KIAA0825: variants seen among roughly 807,000 people sequenced by gnomAD.
KIAA0825 encodes the protein KIAA0825.
KIAA0825 carries 119 observed loss-of-function variants against 147.6 expected under a neutral mutation model. The observed-to-expected ratio is 0.81, with a 90% CI of 0.69 to 0.94. The LOEUF is 0.94. Ranked by LOEUF, KIAA0825 falls within the 40% of genes least tolerant of loss-of-function variation. KIAA0825 has a pLI of 0.00. For missense variants in KIAA0825, 1,381 were observed against 1,472.7 expected (o/e 0.94, Z 1.02); for synonymous variants, 470 against 518.1 (o/e 0.91, Z 1.26).
chr5:94,449,313 G>T (rs1484706778), intron 13 of KIAA0825, among the ~76,000 whole-genome samples: 4 of 152,114 alleles, frequency 2.6e-5, no homozygotes, highest in Admixed American at 6.6e-5. Flanking sequence ...ACAGGTTTCT[G>T]AATGAGAGAG....
chr5:94,617,864 A>G (rs1273508261), intron 1 of KIAA0825: 2 of 152,240 alleles, frequency 1.3e-5, no homozygotes, highest in Non-Finnish European at 2.9e-5. Flanking sequence ...GAACGCAAGC[A>G]TTCCTTTCTG....
At chr5:94,323,815 G>C (rs1780434349) in intron 20 of KIAA0825, among the ~76,000 whole-genome samples, 1 of 151,852 alleles carries the variant, frequency 6.6e-6, no homozygotes, top group African/African-American at 2.4e-5. Flanking sequence ...AATGTACCAA[G>C]AATTTATACC....
At chr5:94,344,016 T>A (rs1306535964) in intron 20 of KIAA0825, among the ~76,000 whole-genome samples, 1 of 152,208 alleles carries the variant, frequency 6.6e-6, no homozygotes, top group East Asian at 1.9e-4. Context: ...GGCGGAAATG[T>A]AAACTAGTAA....
intron 20 of KIAA0825, among the ~76,000 whole-genome samples, chr5:94,231,736 ATTAT>A (rs1562325662): frequency 6.6e-6 from 1 of 152,174 alleles, no homozygotes; most frequent in Non-Finnish European, 1.5e-5. Context: ...TTATCATGAC[ATTAT>A]TTAGACAAAA....
intron 5 of KIAA0825, among the ~76,000 whole-genome samples, chr5:94,512,663 G>T (rs1483068608): frequency 2.0e-5 from 3 of 151,212 alleles, no homozygotes; most frequent in Non-Finnish European, 4.4e-5. Flanking sequence ...GGAGGCTGAG[G>T]TGGGCGGATC....
chr5:94,222,556 G>C (rs1474419281), intron 20 of KIAA0825, among the ~76,000 whole-genome samples: 1 of 152,158 alleles, frequency 6.6e-6, no homozygotes, highest in Admixed American at 6.5e-5. Flanking sequence ...TAGAAAAAGA[G>C]CAAGGATTTA....
chr5:94,411,162 G>T (rs1203249732), intron 15 of KIAA0825, among the ~76,000 whole-genome samples: 1 of 152,030 alleles, frequency 6.6e-6, no homozygotes, highest in Non-Finnish European at 1.5e-5. Flanking sequence ...AAACTGTGAT[G>T]GGTTAAAGAT....
intron 20 of KIAA0825, among the ~76,000 whole-genome samples, chr5:94,247,134 G>A (rs1035555453): frequency 6.6e-6 from 1 of 152,104 alleles, no homozygotes; most frequent in Non-Finnish European, 1.5e-5. Context: ...CCATTCACGT[G>A]CCATAGCAGC....
At chr5:94,537,223 C>A in intron 2 of KIAA0825, 96 bp from the exon 3 acceptor site, 6 of 823,126 alleles carry the variant, frequency 7.3e-6, no homozygotes, top group Middle Eastern at 2.4e-4. Flanking sequence ...TGATACTAAA[C>A]CAAAAATAGT....
In KIAA0825 at chr5:94,496,400, A is replaced by G. The variant is rs376152971; in HGVS notation, c.971-11470T>C. 4.3e-4 allele frequency among the ~76,000 whole-genome samples: 65 copies of G among 152,286 alleles called. 1 individual carries two copies. The South Asian group carries it at 0.013, about 32-fold the overall frequency. ...GGCTGCAAAGCCTAAAATATTTACT[A>G]TTTATCCTTTAAGGAAAAAGTTTGT... is the stretch of plus-strand genomic sequence containing the variant. On this transcript the variant is annotated intron_variant, in intron 5 of 20. Transcript: ENST00000682413.
intron 5 of KIAA0825, among the ~76,000 whole-genome samples, chr5:94,498,684 T>C (rs1764668087): frequency 6.6e-6 from 1 of 152,260 alleles, no homozygotes; most frequent in Non-Finnish European, 1.5e-5. Flanking sequence ...TCCTGGCTAA[T>C]GGCTTCATTA....
At chr5:94,156,350 T>C (rs1282977820) in intron 20 of KIAA0825, among the ~76,000 whole-genome samples, 3 of 152,216 alleles carry the variant, frequency 2.0e-5, no homozygotes, top group Non-Finnish European at 4.4e-5. Flanking sequence ...GTGCTAGATA[T>C]TACATAAAAG....
intron 1 of KIAA0825, chr5:94,594,363 T>C (rs747209691): frequency 3.6e-5 from 27 of 750,314 alleles, no homozygotes; most frequent in Non-Finnish European, 6.0e-5. Context: ...ACAGCAGATT[T>C]ATAAAATGTT....
intron 15 of KIAA0825, chr5:94,414,709 C>G (rs1285834474): frequency 2.0e-5 from 3 of 152,048 alleles, no homozygotes; most frequent in African/African-American, 4.8e-5. Flanking sequence ...GGACAGGGTC[C>G]CCAACCCCTA....
At chr5:94,295,208 A>G (rs925222611) in intron 20 of KIAA0825, among the ~76,000 whole-genome samples, 15 of 151,746 alleles carry the variant, frequency 9.9e-5, no homozygotes, top group African/African-American at 3.6e-4. Context: ...TGCTTGATCA[A>G]TTCGGCTACT....
At chr5:94,301,737 A>G (rs1778415694) in intron 20 of KIAA0825, among the ~76,000 whole-genome samples, 1 of 152,200 alleles carries the variant, frequency 6.6e-6, no homozygotes, top group Non-Finnish European at 1.5e-5. Context: ...AATATATGCA[A>G]AAATGACAAG....
At chr5:94,528,299 TTGTTCAGAGTTTACTA>T (rs1326712665) in intron 3 of KIAA0825, among the ~76,000 whole-genome samples, 2 of 152,196 alleles carry the variant, frequency 1.3e-5, no homozygotes, top group Non-Finnish European at 2.9e-5. Flanking sequence ...AACCCACCTT[TTGTTCAGAGTTTACTA>T]TGAGCAACAC....
In KIAA0825 at chr5:94,473,456, A is replaced by G. The variant is rs1217699850; in HGVS notation, c.1291T>C (p.Cys431Arg). 12 of 1,551,774 alleles carry G rather than the reference A, an allele frequency of 7.7e-6. No individual in the cohort carries two copies. The highest frequency in any genetic ancestry group is 9.6e-6 in the Non-Finnish European group (11 of 1,147,034). The change falls in exon 8 of 21, where the codon TGC becomes CGC. Residue 431 changes from cysteine (C) to arginine (R), a missense_variant. By Grantham distance (180) the Cys-to-Arg change is radical (BLOSUM62 -3). Transcript: ENST00000682413. The part of the protein sequence containing the change: ...FKEVSLPMAH[C>R]VVTAIEGFST... ...AAACCTTCAATTGCAGTTACTACGCAGTGCGCCATGGGAAGAGACACTTCT... is the reference window on the plus strand; with the variant it reads ...AAACCTTCAATTGCAGTTACTACGCGGTGCGCCATGGGAAGAGACACTTCT...
intron 20 of KIAA0825, among the ~76,000 whole-genome samples, chr5:94,349,740 A>C (rs1783423371): frequency 6.6e-6 from 1 of 152,212 alleles, no homozygotes. Context: ...ACTGAATGAC[A>C]ATAATGACAT....
Sources: gnomAD v4.1 joint callset for allele counts (sites outside exome capture counted in the v4.1 genomes callset) on GRCh38, gnomAD v4.1.1 for gene constraint, MANE v1.5 for transcripts, NCBI Gene and HGNC (gene_info 2026-07-23, HGNC 2026-07-21) for gene names.